CACNA1E: variants seen among roughly 807,000 people sequenced by gnomAD.
The protein encoded by CACNA1E is voltage-dependent R-type calcium channel subunit alpha-1E.
Under a neutral mutation model 259.2 loss-of-function variants are expected in CACNA1E, and 40 were observed. That is an observed-to-expected ratio of 0.15 (90% CI 0.12 to 0.20). CACNA1E has a LOEUF of 0.20. Ranked by LOEUF, CACNA1E falls within the 10% of genes least tolerant of loss-of-function variation. The pLI is 1.00. For missense variants in CACNA1E, 1,874 were observed against 3,040.1 expected (o/e 0.62, Z 9.02); for synonymous variants, 1,104 against 1,138.5 (o/e 0.97, Z 0.61).
At chr1:181,760,560 G>C (rs1406264796) in intron 32 of CACNA1E, among the ~76,000 whole-genome samples, 2 of 152,202 alleles carry the variant, frequency 1.3e-5, no homozygotes, top group African/African-American at 4.8e-5. Context: ...AATAAAAAGG[G>C]AAGGGAAAAA....
intron 3 of CACNA1E, among the ~76,000 whole-genome samples, chr1:181,556,920 T>C (rs759883989): frequency 2.0e-5 from 3 of 152,190 alleles, no homozygotes; most frequent in Admixed American, 6.5e-5. Flanking sequence ...TCACACAGAA[T>C]TTTTAGTACT....
chr1:181,399,957 C>T (rs1177353998), intron 1 of CACNA1E, among the ~76,000 whole-genome samples: 2 of 152,144 alleles, frequency 1.3e-5, no homozygotes, highest in African/African-American at 2.4e-5. Flanking sequence ...ACAGGTGAGG[C>T]CCTAAGTGGT....
chr1:181,699,161 C>T (rs929912614), intron 7 of CACNA1E, among the ~76,000 whole-genome samples: 1 of 152,210 alleles, frequency 6.6e-6, no homozygotes, highest in Non-Finnish European at 1.5e-5. Context: ...AGAATATGTA[C>T]TTCTGAACGT....
chr1:181,736,855 A>G (rs1237235035), intron 22 of CACNA1E, among the ~76,000 whole-genome samples: 2 of 152,160 alleles, frequency 1.3e-5, no homozygotes, highest in Non-Finnish European at 1.5e-5. Context: ...ACTGCTCTAC[A>G]TGTGGAGTTT....
At chr1:181,373,561 G>A (rs1253908551) in intron 1 of CACNA1E, among the ~76,000 whole-genome samples, 1 of 136,602 alleles carries the variant, frequency 7.3e-6, no homozygotes, top group East Asian at 2.2e-4. Context: ...TTTTTGAGAC[G>A]GAGACTCGCT....
chr1:181,595,270 C>T (rs1294389251), intron 6 of CACNA1E, among the ~76,000 whole-genome samples: 1 of 152,136 alleles, frequency 6.6e-6, no homozygotes, highest in Non-Finnish European at 1.5e-5. Context: ...ATGATCAAGG[C>T]GTGTCCCCCA....
chr1:181,760,338 T>C (rs1293094952), intron 32 of CACNA1E, among the ~76,000 whole-genome samples: 2 of 152,234 alleles, frequency 1.3e-5, no homozygotes, highest in African/African-American at 4.8e-5. Flanking sequence ...AGTCTTTACA[T>C]TGTTAAGGCA....
intron 39 of CACNA1E, 43 bp from the exon 40 acceptor site, chr1:181,783,636 T>TG: frequency 2.7e-6 from 3 of 1,113,348 alleles, no homozygotes; most frequent in Non-Finnish European, 4.0e-6. Context: ...TCTTTCAATT[T>TG]TTTTTTTTTT....
intron 1 of CACNA1E, among the ~76,000 whole-genome samples, chr1:181,508,042 C>A (rs1665855185): frequency 2.0e-5 from 3 of 152,114 alleles, no homozygotes. Context: ...TTGTGTCAGG[C>A]TGCCCAGGTA....
chr1:181,696,579 G>T (rs1161011049), intron 7 of CACNA1E, among the ~76,000 whole-genome samples: 3 of 152,110 alleles, frequency 2.0e-5, no homozygotes. Context: ...AAACCTGTGG[G>T]GAAAAAATGT....
chr1:181,489,145 G>T (rs1472193909), intron 1 of CACNA1E, among the ~76,000 whole-genome samples: 1 of 152,110 alleles, frequency 6.6e-6, no homozygotes, highest in African/African-American at 2.4e-5. Context: ...GTCCATCAAT[G>T]GTGACTCTGC....
chr1:181,544,270 C>T (rs1056045307), intron 3 of CACNA1E, among the ~76,000 whole-genome samples: 8 of 151,984 alleles, frequency 5.3e-5, no homozygotes, highest in South Asian at 2.1e-4. Flanking sequence ...AAAGGGCGTA[C>T]GATAGTTGTT....
intron 3 of CACNA1E, among the ~76,000 whole-genome samples, chr1:181,514,696 C>T (rs1666428702): frequency 6.6e-6 from 1 of 152,118 alleles, no homozygotes; most frequent in Admixed American, 6.5e-5. Flanking sequence ...CACAACTTCT[C>T]AGCTCTCGGT....
intron 3 of CACNA1E, among the ~76,000 whole-genome samples, chr1:181,571,539 G>T (rs927514224): frequency 6.6e-6 from 1 of 152,218 alleles, no homozygotes; most frequent in African/African-American, 2.4e-5. Context: ...CTTTTGAATG[G>T]ACACAGCAAC....
At chr1:181,363,740 G>A (rs1420562076) in intron 1 of CACNA1E, among the ~76,000 whole-genome samples, 1 of 152,208 alleles carries the variant, frequency 6.6e-6, no homozygotes, top group African/African-American at 2.4e-5. Flanking sequence ...TCTGCATGAT[G>A]ATGTGGGAAG....
intron 7 of CACNA1E, among the ~76,000 whole-genome samples, chr1:181,656,116 A>G (rs976648277): frequency 6.6e-6 from 1 of 152,350 alleles, no homozygotes; most frequent in East Asian, 1.9e-4. Flanking sequence ...GTAAATGACT[A>G]TGTTACTGAT....
intron 6 of CACNA1E, 106 bp from the exon 7 acceptor site, chr1:181,651,232 T>C (rs1452944807): frequency 1.4e-6 from 1 of 722,814 alleles, no homozygotes; most frequent in African/African-American, 1.8e-5. Flanking sequence ...TATTTAACTG[T>C]ATTGCATTGT....
intron 1 of CACNA1E, among the ~76,000 whole-genome samples, chr1:181,323,899 C>T (rs1389678840): frequency 2.6e-5 from 4 of 152,312 alleles, no homozygotes; most frequent in African/African-American, 7.2e-5. Context: ...CTAGGTTCAT[C>T]CAGGCAAGGA....
At chr1:181,348,310 CA>C (rs1243918513) in intron 1 of CACNA1E, among the ~76,000 whole-genome samples, 4 of 152,010 alleles carry the variant, frequency 2.6e-5, no homozygotes, top group African/African-American at 9.7e-5. Flanking sequence ...GGGAGGGTAT[CA>C]AACCAGGTCG....
Sources: allele counts gnomAD v4.1 joint callset (sites outside exome capture counted in the v4.1 genomes callset), GRCh38; gene constraint gnomAD v4.1.1; transcripts MANE v1.5; gene names NCBI Gene and HGNC (gene_info 2026-07-23, HGNC 2026-07-21).